GRM7: variants seen among roughly 807,000 people sequenced by gnomAD.
GRM7 encodes the protein glutamate metabotropic receptor 7, also known as metabotropic glutamate receptor 7.
GRM7 carries 35 observed loss-of-function variants against 84.5 expected under a neutral mutation model. That is an observed-to-expected ratio of 0.41 (90% CI 0.32 to 0.55). GRM7 has a LOEUF of 0.55. Among genes scored for constraint, GRM7 ranks in the 20% least tolerant of loss-of-function variants. The pLI, the probability that GRM7 is intolerant of heterozygous loss-of-function variation, is 0.19. For missense variants in GRM7, 1,003 were observed against 1,194.6 expected (o/e 0.84, Z 2.36); for synonymous variants, 487 against 455.1 (o/e 1.07, Z -0.89).
chr3:7,632,652 G>A (rs1307250322), intron 8 of GRM7, among the ~76,000 whole-genome samples: 1 of 152,104 alleles, frequency 6.6e-6, no homozygotes, highest in African/African-American at 2.4e-5. Flanking sequence ...GTAATGATGG[G>A]AGCAAATCCC....
intron 1 of GRM7, among the ~76,000 whole-genome samples, chr3:7,139,762 T>G (rs1383248911): frequency 6.6e-6 from 1 of 151,984 alleles, no homozygotes; most frequent in East Asian, 1.9e-4. Context: ...GCCTTGGCAA[T>G]GATTTTTTTG....
intron 8 of GRM7, among the ~76,000 whole-genome samples, chr3:7,632,689 T>A (rs1023460134): frequency 6.6e-6 from 1 of 152,220 alleles, no homozygotes; most frequent in Non-Finnish European, 1.5e-5. Context: ...AATATAGTTA[T>A]TTTAATTGTT....
intron 1 of GRM7, among the ~76,000 whole-genome samples, chr3:7,019,701 G>A (rs1575137420): frequency 2.0e-5 from 3 of 152,142 alleles, no homozygotes; most frequent in Admixed American, 2.0e-4. Flanking sequence ...ATTGCAGGAC[G>A]GTAAAGAGTA....
intron 2 of GRM7, among the ~76,000 whole-genome samples, chr3:7,171,123 C>A (rs1354787582): frequency 6.6e-6 from 1 of 152,138 alleles, no homozygotes; most frequent in African/African-American, 2.4e-5. Context: ...GACTCACATT[C>A]CTGAAGTCTG....
At chr3:7,402,323 A>G (rs1253410577) in intron 4 of GRM7, among the ~76,000 whole-genome samples, 1 of 152,206 alleles carries the variant, frequency 6.6e-6, no homozygotes, top group Non-Finnish European at 1.5e-5. Context: ...CTAGAAAACA[A>G]GATGTAGTTG....
intron 1 of GRM7, among the ~76,000 whole-genome samples, chr3:7,074,348 G>A (rs974924746): frequency 1.3e-5 from 2 of 152,020 alleles, no homozygotes; most frequent in Non-Finnish European, 2.9e-5. Context: ...ATAAGATGTG[G>A]CAAGCTTACC....
chr3:7,035,065 G>A (rs569149089), intron 1 of GRM7, among the ~76,000 whole-genome samples: 240 of 152,244 alleles, frequency 1.6e-3, no homozygotes, highest in Non-Finnish European at 2.6e-3. Flanking sequence ...AGCAGGTGGA[G>A]GTATACATCT....
At chr3:7,662,827 G>T (rs1699526083) in intron 8 of GRM7, among the ~76,000 whole-genome samples, 1 of 152,076 alleles carries the variant, frequency 6.6e-6, no homozygotes, top group Non-Finnish European at 1.5e-5. Flanking sequence ...TAAAAATTTG[G>T]GGAAAATATA....
Position 6,861,395 on chromosome 3 carries a change from C to T in GRM7, c.7C>T (p.Gln3Ter). The T allele has an allele frequency of 6.4e-7, 1 of 1,571,638 alleles. No homozygotes were observed. The highest frequency in any genetic ancestry group is 8.6e-7 in the Non-Finnish European group (1 of 1,163,148). Residue 3 changes from glutamine to a stop codon, truncating the protein, a stop_gained, in exon 1 of 10, where the codon CAG becomes TAG. Transcript: ENST00000357716. LOFTEE classifies it high-confidence loss of function. The surrounding 1 kb of genome is among the most constrained non-coding windows in gnomAD (Gnocchi z 6.4). ...CCGCAGCAGCCGGAGCAGCATGGTC[C>T]AGCTGAGGAAGCTGCTCCGCGTCCT... MV[Q>*]LRKLLRVLTL... is the part of the protein sequence containing the mutation.
rs1185186418 is a variant in GRM7, at chr3:7,415,143, A to C, written c.1154A>C (p.Asp385Ala). ...ACGATTAGTGGGTCAAAAAAAGAAG[A>C]CACAGATCGCAAATGCACAGGTAAT... Reference protein sequence around the residue: ...KLTISGSKKEDTDRKCTGQER... With the variant: ...KLTISGSKKEATDRKCTGQER... The change falls in exon 5 of 10, where the codon GAC (aspartate) becomes GCC (alanine). Residue 385 changes from aspartate to alanine, a missense_variant. Asp to Ala is a moderately radical substitution (Grantham distance 126). Around this residue, in one of 2 missense-constraint regions of GRM7, gnomAD observed 910 missense variants for 1,126.0 expected, o/e 0.81. Coordinates refer to ENST00000357716, the MANE Select transcript of GRM7 (RefSeq NM_000844.4). 1 of 1,613,180 alleles carries C rather than the reference A, an allele frequency of 6.2e-7. No individual in the cohort carries two copies. Among genetic ancestry groups the C allele is most frequent in the Non-Finnish European group, 8.5e-7 (1 of 1,179,226 alleles).
intron 2 of GRM7, among the ~76,000 whole-genome samples, chr3:7,202,325 T>A (rs1031891666): frequency 6.6e-6 from 1 of 152,172 alleles, no homozygotes; most frequent in Non-Finnish European, 1.5e-5. Flanking sequence ...TTGTTTTTTG[T>A]ATGTTTGTTT....
chr3:7,195,405 A>G (rs1695845682), intron 2 of GRM7, among the ~76,000 whole-genome samples: 1 of 152,146 alleles, frequency 6.6e-6, no homozygotes, highest in South Asian at 2.1e-4. Context: ...GTTGACACAG[A>G]TTTATTTCAG....
At chr3:6,875,557 AC>A (rs1212176171) in intron 1 of GRM7, among the ~76,000 whole-genome samples, 2 of 152,142 alleles carry the variant, frequency 1.3e-5, no homozygotes, top group African/African-American at 4.8e-5. Flanking sequence ...GCCGTGTGGA[AC>A]TGTGAGTCAA....
intron 4 of GRM7, among the ~76,000 whole-genome samples, chr3:7,347,816 C>T (rs1483477580): frequency 6.6e-6 from 1 of 152,168 alleles, no homozygotes; most frequent in African/African-American, 2.4e-5. Context: ...TTCTCCAGCA[C>T]ATATAATTGG....
intron 9 of GRM7, among the ~76,000 whole-genome samples, chr3:7,724,238 G>A (rs1232109782): frequency 6.6e-6 from 1 of 152,104 alleles, no homozygotes; most frequent in African/African-American, 2.4e-5. Context: ...GGACATTTTG[G>A]TTAGTGAGGC....
rs1031181199 is a variant in GRM7 at position 6,862,954 on chromosome 3, G to T, written c.519+1047G>T. On this transcript the variant is annotated intron_variant, in intron 1 of 9. Coordinates refer to ENST00000357716, the MANE Select transcript of GRM7 (RefSeq NM_000844.4). The surrounding 1 kb of genome is among the most constrained non-coding windows in gnomAD (Gnocchi z 5.2). ...GTGGGTTCTGCCGCAGTGTTCTCTC[G>T]CCTCCTGCTCCAGCAGCCTCTGCCC... 2 of 455,258 alleles carry T rather than the reference G, an allele frequency of 4.4e-6. No homozygotes were observed. The highest frequency in any genetic ancestry group is 2.4e-5 in the Admixed American group (1 of 42,300). 28.2% of individuals were successfully genotyped at this position (455,258 alleles called of 1,614,324 possible). A position where few individuals can be genotyped will look rare whatever the true frequency, so the allele number is the denominator to read the frequency against.
chr3:7,548,359 A>G (rs1348970772), intron 7 of GRM7, among the ~76,000 whole-genome samples: 1 of 152,170 alleles, frequency 6.6e-6, no homozygotes, highest in East Asian at 1.9e-4. Context: ...CCTGAGTGGA[A>G]GCAGCCTGAG....
At chr3:6,905,279 A>G (rs1304049354) in intron 1 of GRM7, among the ~76,000 whole-genome samples, 3 of 152,150 alleles carry the variant, frequency 2.0e-5, no homozygotes, top group East Asian at 1.9e-4. Flanking sequence ...CCTTTCATAC[A>G]GAGTTAAAGT....
intron 7 of GRM7, among the ~76,000 whole-genome samples, chr3:7,464,150 C>A (rs1698365715): frequency 6.6e-6 from 1 of 152,144 alleles, no homozygotes; most frequent in African/African-American, 2.4e-5. Flanking sequence ...TCAATATTTG[C>A]TTTTTATCAG....
Sources: gnomAD v4.1 joint callset for allele counts (sites outside exome capture counted in the v4.1 genomes callset) on GRCh38, gnomAD v4.1.1 for gene constraint, gnomAD v4.1.1 regional missense constraint, Gnocchi (gnomAD v3.1) non-coding constraint, MANE v1.5 for transcripts, NCBI Gene and HGNC (gene_info 2026-07-23, HGNC 2026-07-21) for gene names.